Variants in HERC1 observed in about 807,000 individuals in gnomAD.
HERC1 encodes probable E3 ubiquitin-protein ligase HERC1.
HERC1 carries 160 observed loss-of-function variants against 554.3 expected under a neutral mutation model. The ratio of observed to expected loss-of-function variants is 0.29; its 90% CI spans 0.25 to 0.33. The LOEUF is 0.33. Ranked by LOEUF, HERC1 falls within the 10% of genes least tolerant of loss-of-function variation. The pLI, the probability that HERC1 is intolerant of heterozygous loss-of-function variation, is 1.00. For missense variants in HERC1, 4,919 were observed against 5,918.5 expected (o/e 0.83, Z 5.54); for synonymous variants, 2,175 against 2,131.7 (o/e 1.02, Z -0.56).
chr15:63,686,498 G>A lies in HERC1; in HGVS notation c.6086C>T (p.Pro2029Leu). ...GELEEEDENL[P>L]IQEVSFDPEK... The stretch of plus-strand genomic sequence containing the variant: ...CGGGTCAAAGGATACTTCTTGGATA[G>A]GAAGATTCTCATCTTCTTCTTCCAA... The change falls in exon 34 of 78, where the codon CCT becomes CTT. Residue 2029 changes from proline (P) to leucine (L), a missense_variant. Pro to Leu is a moderately conservative substitution (Grantham distance 98). This residue lies in a region of HERC1 where 1,121 missense variants were observed against 1,244.0 expected (regional missense o/e 0.90). Transcript: ENST00000443617. The A allele has an allele frequency of 1.2e-6, 2 of 1,613,504 alleles. No individual in the cohort carries two copies.
chr15:63,718,635 C>T lies in HERC1; in HGVS notation c.3917G>A (p.Arg1306His), dbSNP rs771227855. 13 of 1,592,816 alleles carry T rather than the reference C, an allele frequency of 8.2e-6. No individual in the cohort carries two copies. Among genetic ancestry groups the T allele is most frequent in the South Asian group, 5.7e-5 (5 of 88,486 alleles). ...TTCAAGGTTCTTGCAAGCAAGTAAA[C>T]GACTTCGAACTTTGTATACACAACG... Reference protein sequence around the residue: ...VYRCVYKVRSRLLACKNLELI... With the variant: ...VYRCVYKVRSHLLACKNLELI... Residue 1306 changes from arginine (R) to histidine (H), a missense_variant, in exon 21 of 78, where the codon CGT (arginine) becomes CAT (histidine). Around this residue, in one of 11 missense-constraint regions of HERC1, gnomAD observed 1,121 missense variants for 1,244.0 expected, o/e 0.90. Transcript: ENST00000443617. The surrounding 1 kb of genome is among the most constrained non-coding windows in gnomAD (Gnocchi z 4.2).
At chr15:63,827,377 T>C (rs1043729365) in intron 1 of HERC1, among the ~76,000 whole-genome samples, 1 of 151,790 alleles carries the variant, frequency 6.6e-6, no homozygotes, top group Non-Finnish European at 1.5e-5. Context: ...TGAGCCATGA[T>C]TGTACCACTG....
chr15:63,718,474 T>C lies in HERC1; in HGVS notation c.3978+100A>G, dbSNP rs557430589. On this transcript the variant is annotated intron_variant, in intron 21 of 77. Coordinates refer to ENST00000443617, the MANE Select transcript of HERC1 (RefSeq NM_003922.4). This position sits in a 1 kb window ranked among gnomAD's most constrained non-coding sequence, Gnocchi z 4.2. ...AACTACTCAACATGTATTGAACATA[T>C]GCAATAACCAAGGCACATTTTTTTC... 2.6e-6 allele frequency: 3 copies of C among 1,135,542 alleles called. No homozygotes were observed. Among genetic ancestry groups the C allele is most frequent in the East Asian group, 2.6e-5 (1 of 38,300 alleles). 70.3% of individuals were successfully genotyped at this position (1,135,542 alleles called of 1,614,324 possible). A position where few individuals can be genotyped will look rare whatever the true frequency, so the allele number is the denominator to read the frequency against.
chr15:63,643,449 C>A lies in HERC1; in HGVS notation c.11286G>T (p.Leu3762=). The A allele has an allele frequency of 1.2e-6, 2 of 1,613,440 alleles. No individual in the cohort carries two copies. Among genetic ancestry groups the A allele is most frequent in the Non-Finnish European group, 1.7e-6 (2 of 1,179,636 alleles). ...TGAGCCCACCTAGTCCACCAGACAC[C>A]AGGGCCAACCCATCAGAACTAAAGG... The part of the protein sequence containing the change: ...TVAFSSDGLA[L]VSGGLGGLMN... The change falls in exon 58 of 78, where the codon CTG becomes CTT. Residue 3762 remains leucine, a synonymous_variant. Coordinates refer to ENST00000443617, the MANE Select transcript of HERC1 (RefSeq NM_003922.4).
chr15:63,777,515 A>G (rs1202360004), intron 1 of HERC1, among the ~76,000 whole-genome samples: 1 of 152,224 alleles, frequency 6.6e-6, no homozygotes, highest in Non-Finnish European at 1.5e-5. Flanking sequence ...TTCTCTGATT[A>G]CTAATAAATC....
Position 63,758,656 on chromosome 15 carries a change from G to GA in HERC1, c.1027-288dup, listed in dbSNP as rs1321770892. Among the ~76,000 whole-genome samples the GA allele has an allele frequency of 6.6e-6, 1 of 152,022 alleles. No homozygotes were observed. The highest frequency in any genetic ancestry group is 1.5e-5 in the Non-Finnish European group (1 of 67,988). ...AAAACAAAGCTTAAGAAATAAAGTA[G>GA]AAAAAATCACCATGGATAATCTTAA... On this transcript the variant is annotated intron_variant, in intron 3 of 77. Transcript: ENST00000443617. This position sits in a 1 kb window ranked among gnomAD's most constrained non-coding sequence, Gnocchi z 4.0.
chr15:63,641,404 A>C, intron 60 of HERC1, 66 bp downstream of exon 60: 1 of 1,371,600 alleles, frequency 7.3e-7, no homozygotes, highest in Non-Finnish European at 1.0e-6. Flanking sequence ...GATAAGTTCA[A>C]GGCTATAATC....
intron 13 of HERC1, among the ~76,000 whole-genome samples, chr15:63,733,795 T>C (rs888374257): frequency 6.6e-6 from 1 of 152,012 alleles, no homozygotes; most frequent in Non-Finnish European, 1.5e-5. Context: ...GAGGCTACAG[T>C]AAGCCATGAT....
At position 63,758,206 on chromosome 15, in the gene HERC1, T is replaced by C. The variant is rs560874237; in HGVS notation, c.1190A>G (p.Lys397Arg). The change falls in exon 4 of 78, where the codon AAA (lysine) becomes AGA (arginine). Residue 397 changes from lysine (K) to arginine (R), a missense_variant. Lys to Arg is a conservative substitution (Grantham distance 26). Transcript: ENST00000443617. This position sits in a 1 kb window ranked among gnomAD's most constrained non-coding sequence, Gnocchi z 4.0. ...TGCATCAGAGAAACTAGGAGCCAGT[T>C]TGGGTTGCAGTATTTTCTCCTGTGT... The part of the protein sequence containing the change: ...EGTQEKILQP[K>R]LAPSFSDAQT... 3.7e-6 allele frequency: 6 copies of C among 1,611,644 alleles called. No individual in the cohort carries two copies. The East Asian group carries it at 1.3e-4, about 36-fold the overall frequency.
rs746811533 is a variant in HERC1 at position 63,648,163 on chromosome 15, C to G, written c.10784G>C (p.Arg3595Thr). ...VTCIAWFSED[R>T]PFAVGYFDGK... ...ATCAAAATATCCCACTGCAAATGGT[C>G]TGTCTTCACTGAACCATGCAATGCA... Residue 3595 changes from arginine (R) to threonine (T), a missense_variant, in exon 55 of 78, where the codon AGA becomes ACA. By Grantham distance (71) the Arg-to-Thr change is moderately conservative. This residue lies in a region of HERC1 where 1,963 missense variants were observed against 2,228.6 expected (regional missense o/e 0.88). Coordinates refer to ENST00000443617, the MANE Select transcript of HERC1 (RefSeq NM_003922.4). 7 of 1,601,548 alleles carry G rather than the reference C, an allele frequency of 4.4e-6. No individual in the cohort carries two copies. The highest frequency in any genetic ancestry group is 1.1e-5 in the South Asian group (1 of 88,634).
At chr15:63,788,686 G>T (rs2076530734) in intron 1 of HERC1, among the ~76,000 whole-genome samples, 1 of 151,922 alleles carries the variant, frequency 6.6e-6, no homozygotes, top group Non-Finnish European at 1.5e-5. Context: ...GGAGGCTGAG[G>T]CAGGTGGATC....
chr15:63,616,282 G>C (rs751943507), intron 75 of HERC1, 148 bp downstream of exon 75: 2 of 799,524 alleles, frequency 2.5e-6, no homozygotes, highest in Non-Finnish European at 3.9e-6. Context: ...TGCTGCGGTT[G>C]AGCTGCTAAG....
intron 73 of HERC1, among the ~76,000 whole-genome samples, chr15:63,623,124 C>G (rs1419629197): frequency 6.6e-6 from 1 of 152,124 alleles, no homozygotes; most frequent in African/African-American, 2.4e-5. Context: ...AAAGTCAATC[C>G]AGGGCAGGAG....
rs201668548 is a variant in HERC1, at chr15:63,680,490, TA to T, written c.6465+46del. Reference sequence around the variant, plus strand: ...GGCACTTGAATAACCGAGTTGACTATAAATAGAAACAAGAAAAATGTAATGC... The same window carrying T: ...GGCACTTGAATAACCGAGTTGACTATAATAGAAACAAGAAAAATGTAATGC... On this transcript the variant is annotated intron_variant, in intron 35 of 77. Transcript: ENST00000443617. The surrounding 1 kb of genome is among the most constrained non-coding windows in gnomAD (Gnocchi z 5.8). 3.0e-3 allele frequency: 4,803 copies of T among 1,596,198 alleles called. 26 individuals are homozygous for T. Among genetic ancestry groups the T allele is most frequent in the Middle Eastern group, 0.026 (154 of 5,978 alleles).
At chr15:63,767,285 G>A (rs1025214824) in intron 2 of HERC1, among the ~76,000 whole-genome samples, 17 of 152,064 alleles carry the variant, frequency 1.1e-4, no homozygotes, top group African/African-American at 4.1e-4. Flanking sequence ...TTACAGGCGT[G>A]AGCCACCGCG....
intron 55 of HERC1, among the ~76,000 whole-genome samples, chr15:63,647,288 A>C (rs2069404742): frequency 6.6e-6 from 1 of 152,024 alleles, no homozygotes; most frequent in South Asian, 2.1e-4. Context: ...GAAAAAAAAA[A>C]ACACAATGAG....
chr15:63,703,933 GA>G (rs938577234), intron 25 of HERC1, among the ~76,000 whole-genome samples: 31 of 148,076 alleles, frequency 2.1e-4, no homozygotes, highest in South Asian at 1.1e-3. Context: ...AAAAAAGAAA[GA>G]AAAAAAAAGA....
At chr15:63,754,749 T>C (rs2075364010) in intron 6 of HERC1, 101 bp from the exon 7 acceptor site, 2 of 1,191,558 alleles carry the variant, frequency 1.7e-6, no homozygotes, top group Non-Finnish European at 2.3e-6. Context: ...TAAAATAGAA[T>C]TGAGATTTTT....
chr15:63,825,342 C>A (rs2145889647), intron 1 of HERC1, among the ~76,000 whole-genome samples: 1 of 152,146 alleles, frequency 6.6e-6, no homozygotes, highest in Admixed American at 6.5e-5. Context: ...TTAATATTAG[C>A]ATATTATATA....
Sources: allele counts gnomAD v4.1 joint callset (sites outside exome capture counted in the v4.1 genomes callset), GRCh38; gene constraint gnomAD v4.1.1; regional missense constraint gnomAD v4.1.1; non-coding constraint Gnocchi (gnomAD v3.1); transcripts MANE v1.5; gene names NCBI Gene and HGNC (gene_info 2026-07-23, HGNC 2026-07-21).